Variants in CFAP70 observed in about 807,000 individuals in gnomAD.
CFAP70 encodes the protein cilia- and flagella-associated protein 70.
A neutral mutation model predicts 137.6 loss-of-function variants in CFAP70; 81 were observed. The observed-to-expected ratio is 0.59, with a 90% CI of 0.49 to 0.71. The LOEUF (loss-of-function observed/expected upper bound fraction) is 0.71, where lower values mean the gene tolerates loss of function less well. CFAP70 is among the 30% of genes least tolerant of loss of function. CFAP70 has a pLI of 0.00. For missense variants in CFAP70, 976 were observed against 1,226.7 expected (o/e 0.80, Z 3.05); for synonymous variants, 382 against 423.6 (o/e 0.90, Z 1.20).
intron 25 of CFAP70, among the ~76,000 whole-genome samples, chr10:73,256,996 A>G (rs905793703): frequency 1.3e-4 from 19 of 151,850 alleles, no homozygotes; most frequent in African/African-American, 4.1e-4. Flanking sequence ...TGAAAGCACC[A>G]TGAGTCATTT....
exon 18 of CFAP70, chr10:73,291,688 C>T (rs779184777): frequency 5.6e-6 from 9 of 1,613,948 alleles, no homozygotes; most frequent in Middle Eastern, 3.3e-4. Context: ...CAAGTAGCAT[C>T]CTCAAAGAAA....
chr10:73,284,120 C>G (rs2047464253), intron 19 of CFAP70, among the ~76,000 whole-genome samples: 1 of 152,190 alleles, frequency 6.6e-6, no homozygotes, highest in South Asian at 2.1e-4. Context: ...TTTGACAGGG[C>G]TAGCTCCTTC....
chr10:73,265,945 T>C (rs1354743021), intron 25 of CFAP70, among the ~76,000 whole-genome samples: 1 of 152,094 alleles, frequency 6.6e-6, no homozygotes, highest in Non-Finnish European at 1.5e-5. Context: ...TTGAAAATAT[T>C]ATGTTATTAT....
rs1399004917 is a variant in CFAP70 at position 73,348,148 on chromosome 10, C to CT, written c.349+274dup. 4 of 1,612,738 alleles carry CT rather than the reference C, an allele frequency of 2.5e-6. No homozygotes were observed. The highest frequency in any genetic ancestry group is 2.5e-6 in the Non-Finnish European group (3 of 1,178,852). On this transcript the variant is annotated intron_variant, in intron 4 of 26. Transcript: ENST00000310715. ...GGCTGAAATGTTGAGAGCTAAAACTCTGATTACCTTAGCACTTGATCTAGG... is the reference window on the plus strand; with the variant it reads ...GGCTGAAATGTTGAGAGCTAAAACTCTTGATTACCTTAGCACTTGATCTAGG...
intron 22 of CFAP70, 38 bp from the exon 24 acceptor site, chr10:73,274,632 T>A (rs1564765663): frequency 7.7e-6 from 12 of 1,555,078 alleles, no homozygotes; most frequent in Non-Finnish European, 1.0e-5. Context: ...TGGGATAAGG[T>A]AGTATTTAAA....
chr10:73,285,256 G>A (rs1293414968), intron 19 of CFAP70, among the ~76,000 whole-genome samples: 1 of 152,126 alleles, frequency 6.6e-6, no homozygotes, highest in Non-Finnish European at 1.5e-5. Flanking sequence ...AGAAGATGGA[G>A]ACTTCCAGTT....
intron 1 of CFAP70, among the ~76,000 whole-genome samples, chr10:73,355,504 C>T (rs2054600184): frequency 6.6e-6 from 1 of 152,196 alleles, no homozygotes; most frequent in African/African-American, 2.4e-5. Flanking sequence ...ATAGGCTAGG[C>T]ACGGTGGCTC....
chr10:73,322,087 C>T (rs1399935122), intron 9 of CFAP70, among the ~76,000 whole-genome samples: 2 of 152,070 alleles, frequency 1.3e-5, no homozygotes, highest in Non-Finnish European at 2.9e-5. Flanking sequence ...CCCAGTCACA[C>T]TTAAAATGCT....
At chr10:73,281,273 C>A (rs1781493935) in intron 19 of CFAP70, among the ~76,000 whole-genome samples, 1 of 151,984 alleles carries the variant, frequency 6.6e-6, no homozygotes, top group South Asian at 2.1e-4. Flanking sequence ...CAGCCTCAAC[C>A]TCCCAGGCTC....
At chr10:73,287,407 T>C (rs1247645543) in intron 19 of CFAP70, among the ~76,000 whole-genome samples, 1 of 152,228 alleles carries the variant, frequency 6.6e-6, no homozygotes, top group African/African-American at 2.4e-5. Flanking sequence ...CATCATTGAC[T>C]GAAACGTTAT....
exon 9 of CFAP70, chr10:73,323,016 T>A: frequency 1.2e-6 from 2 of 1,613,848 alleles, no homozygotes; most frequent in Non-Finnish European, 1.7e-6. Flanking sequence ...GCTCCCCGAA[T>A]TCTCTTCACA....
intron 6 of CFAP70, 146 bp downstream of exon 7, chr10:73,341,253 G>T: frequency 1.6e-6 from 1 of 635,164 alleles, no homozygotes; most frequent in Non-Finnish European, 2.6e-6. Flanking sequence ...GAAGATATTT[G>T]AATCAGAATT....
At chr10:73,341,524 G>T (rs779749768) in exon 6 of CFAP70, 1 of 1,614,162 alleles carries the variant, frequency 6.2e-7, no homozygotes, top group Admixed American at 1.7e-5. Context: ...CGGGGAACAG[G>T]TTCCCTTTCC....
intron 25 of CFAP70, among the ~76,000 whole-genome samples, chr10:73,263,024 G>A (rs1639325755): frequency 6.6e-6 from 1 of 152,166 alleles, no homozygotes; most frequent in African/African-American, 2.4e-5. Flanking sequence ...AGTATAGATA[G>A]AATACTATTA....
chr10:73,357,684 T>G (rs1339126966), intron 1 of CFAP70, among the ~76,000 whole-genome samples: 1 of 152,212 alleles, frequency 6.6e-6, no homozygotes, highest in Non-Finnish European at 1.5e-5. Flanking sequence ...ACTCCCCTCT[T>G]CTAGCTTATG....
intron 19 of CFAP70, among the ~76,000 whole-genome samples, chr10:73,280,155 T>C (rs2047156943): frequency 1.3e-5 from 2 of 152,158 alleles, no homozygotes; most frequent in Non-Finnish European, 1.5e-5. Context: ...CTGAAATTGA[T>C]TGGCTAATAT....
At chr10:73,338,869 G>A (rs1205707697) in intron 6 of CFAP70, among the ~76,000 whole-genome samples, 1 of 151,474 alleles carries the variant, frequency 6.6e-6, no homozygotes, top group African/African-American at 2.4e-5. Context: ...ACGAATTTTG[G>A]TATTTGCAGG....
At chr10:73,257,876 C>CTTTTTTTTTTTTTTTTTTT (rs745485451) in intron 25 of CFAP70, among the ~76,000 whole-genome samples, 1 of 129,934 alleles carries the variant, frequency 7.7e-6, no homozygotes, top group African/African-American at 3.0e-5. Context: ...CCTTTTCCTT[C>CTTTTTTTTTTTTTTTTTTT]TTTTTTTTTT....
intron 24 of CFAP70, among the ~76,000 whole-genome samples, chr10:73,270,113 T>G (rs1185755903): frequency 6.6e-6 from 1 of 151,996 alleles, no homozygotes; most frequent in Admixed American, 6.6e-5. Flanking sequence ...ACATTTATAG[T>G]TTTTTTTCTT....
Sources: gnomAD v4.1 joint callset for allele counts (sites outside exome capture counted in the v4.1 genomes callset) on GRCh38, gnomAD v4.1.1 for gene constraint, MANE v1.5 for transcripts, NCBI Gene and HGNC (gene_info 2026-07-23, HGNC 2026-07-21) for gene names.